Variants in CCDC141 observed in about 807,000 individuals in gnomAD.
CCDC141 encodes the protein coiled-coil domain-containing protein 141.
Under a neutral mutation model 181.0 loss-of-function variants are expected in CCDC141, and 168 were observed. The ratio of observed to expected loss-of-function variants is 0.93; its 90% CI spans 0.82 to 1.05. The LOEUF (loss-of-function observed/expected upper bound fraction) is 1.05. Ranked by LOEUF, CCDC141 falls within the 50% of genes least tolerant of loss-of-function variation. The pLI is 0.00. For missense variants in CCDC141, 1,902 were observed against 1,788.5 expected, an observed-to-expected ratio of 1.06 and a Z score of -1.14; for synonymous variants, 666 against 642.3, an observed-to-expected ratio of 1.04 and a Z score of -0.56.
intron 2 of CCDC141, among the ~76,000 whole-genome samples, chr2:178,992,080 G>A (rs1692081190): frequency 6.6e-6 from 1 of 151,682 alleles, no homozygotes; most frequent in African/African-American, 2.4e-5. Flanking sequence ...ATGCCAATTT[G>A]TTTATTTAGT....
chr2:178,914,135 T>A (rs531573040), intron 7 of CCDC141, among the ~76,000 whole-genome samples: 2 of 152,310 alleles, frequency 1.3e-5, no homozygotes, highest in South Asian at 4.1e-4. Context: ...AGGATGAATA[T>A]TTTGGAGGAT....
At chr2:178,941,705 C>T (rs191932547) in intron 6 of CCDC141, among the ~76,000 whole-genome samples, 7 of 151,784 alleles carry the variant, frequency 4.6e-5, no homozygotes, top group Non-Finnish European at 5.9e-5. Context: ...GTAATCCCAG[C>T]ACTTTAGAAG....
At chr2:178,974,447 C>T (rs1349320692) in intron 4 of CCDC141, among the ~76,000 whole-genome samples, 2 of 152,200 alleles carry the variant, frequency 1.3e-5, no homozygotes, top group African/African-American at 2.4e-5. Flanking sequence ...CTACTCCACT[C>T]CTGGCCCACA....
At chr2:178,911,813 A>G (rs1688231226) in intron 7 of CCDC141, among the ~76,000 whole-genome samples, 1 of 152,210 alleles carries the variant, frequency 6.6e-6, no homozygotes, top group African/African-American at 2.4e-5. Context: ...ATGATACAAA[A>G]CAAGCAATTA....
intron 7 of CCDC141, among the ~76,000 whole-genome samples, chr2:178,909,284 A>C (rs994816298): frequency 6.6e-6 from 1 of 152,258 alleles, no homozygotes; most frequent in Non-Finnish European, 1.5e-5. Flanking sequence ...ATTATCTTCC[A>C]GAGCTTTTTC....
At chr2:178,934,276 G>A (rs1214125388) in intron 6 of CCDC141, among the ~76,000 whole-genome samples, 1 of 152,066 alleles carries the variant, frequency 6.6e-6, no homozygotes, top group Non-Finnish European at 1.5e-5. Flanking sequence ...TTTCTGATGT[G>A]TAAGAGAAGG....
chr2:179,022,216 T>C (rs911899884), intron 2 of CCDC141, among the ~76,000 whole-genome samples: 2 of 152,144 alleles, frequency 1.3e-5, no homozygotes, highest in Non-Finnish European at 1.5e-5. Flanking sequence ...GCCTTTCAAG[T>C]GACCGAAAAA....
At chr2:179,015,089 T>TAC (rs1319398966) in intron 2 of CCDC141, among the ~76,000 whole-genome samples, 6,400 of 47,088 alleles carry the variant, frequency 0.14, 648 homozygotes, top group East Asian at 0.28. Flanking sequence ...TATATATATA[T>TAC]ATATATATAT....
In CCDC141 at chr2:178,831,248, T is replaced by C. The variant is rs1684237935; in HGVS notation, c.*2925A>G. On this transcript the variant is annotated 3_prime_UTR_variant, in exon 24 of 24. Coordinates refer to ENST00000443758, the MANE Select transcript of CCDC141 (RefSeq NM_173648.4). Reference sequence around the variant, plus strand: ...ACCACCAAATATTTATACATCCTTTTATTGGAAAATCAAAGCTGGAAAACT... The same window carrying C: ...ACCACCAAATATTTATACATCCTTTCATTGGAAAATCAAAGCTGGAAAACT... The C allele has an allele frequency of 6.6e-6, 1 of 152,232 alleles. No homozygotes were observed. The highest frequency in any genetic ancestry group is 1.5e-5 in the Non-Finnish European group (1 of 68,038). The allele number at this position is 152,232 out of a possible 1,614,324, so 9.4% of individuals were successfully genotyped here. A position where few individuals can be genotyped will look rare whatever the true frequency, so the allele number is the denominator to read the frequency against.
Position 178,837,118 on chromosome 2 carries a change from A to T in CCDC141, c.4101T>A (p.Asp1367Glu), listed in dbSNP as rs1216591511. The change falls in exon 23 of 24, where the codon GAT becomes GAA. Residue 1367 changes from aspartate to glutamate, a missense_variant. By Grantham distance (45) the Asp-to-Glu change is conservative. Transcript: ENST00000443758. ...KTQDRLHASSDAFSGLRFQSG... is the reference protein window; with the variant it reads ...KTQDRLHASSEAFSGLRFQSG... ...ATTGAAACCTGAGGCCCGAGAATGC[A>T]TCAGAGGAAGCATGCAGCCTATCTT... is the stretch of plus-strand genomic sequence containing the variant. The T allele has an allele frequency of 6.2e-7, 1 of 1,613,988 alleles. No homozygotes were observed. Among genetic ancestry groups the T allele is most frequent in the Non-Finnish European group, 8.5e-7 (1 of 1,179,962 alleles).
chr2:178,933,244 C>A (rs571439375), intron 6 of CCDC141, among the ~76,000 whole-genome samples: 4 of 152,078 alleles, frequency 2.6e-5, no homozygotes. Flanking sequence ...TATTATTAAT[C>A]AAGAACTTCA....
rs1447379230 is a variant in CCDC141 at position 178,830,660 on chromosome 2, C to T, written c.*3513G>A. On this transcript the variant is annotated 3_prime_UTR_variant, in exon 24 of 24. Coordinates refer to ENST00000443758, the MANE Select transcript of CCDC141 (RefSeq NM_173648.4). Reference sequence around the variant, plus strand: ...AGCCTAGCCAGAGGAGACTGATGCTCAAACCTGCGATTCCTTTGTGTATAT... The same window carrying T: ...AGCCTAGCCAGAGGAGACTGATGCTTAAACCTGCGATTCCTTTGTGTATAT... 1 of 152,268 alleles carries T rather than the reference C, an allele frequency of 6.6e-6. No individual in the cohort carries two copies. The highest frequency in any genetic ancestry group is 1.5e-5 in the Non-Finnish European group (1 of 68,130). 9.4% of individuals were successfully genotyped at this position (152,268 alleles called of 1,614,324 possible). A position where few individuals can be genotyped will look rare whatever the true frequency, so the allele number is the denominator to read the frequency against.
chr2:178,940,465 A>G (rs912400621), intron 6 of CCDC141, among the ~76,000 whole-genome samples: 6 of 152,228 alleles, frequency 3.9e-5, no homozygotes, highest in African/African-American at 1.4e-4. Flanking sequence ...ATGTCTAAAG[A>G]CATATGTTGA....
intron 2 of CCDC141, among the ~76,000 whole-genome samples, chr2:179,041,923 A>T (rs892878472): frequency 3.9e-5 from 6 of 152,220 alleles, no homozygotes; most frequent in African/African-American, 1.4e-4. Flanking sequence ...GCAAGTTCTT[A>T]GAGACCTTCA....
Position 178,873,091 on chromosome 2 carries a change from A to C in CCDC141, c.1900-779T>G, listed in dbSNP as rs534219441. ...ACAGGAACATTCATTTGGCGAAACA[A>C]TTCTTATGTTTTTTACTTTAATAGC... On this transcript the variant is annotated intron_variant, in intron 12 of 23. Transcript: ENST00000443758. 6 of 152,294 alleles carry C rather than the reference A, an allele frequency of 3.9e-5. No homozygotes were observed. In the East Asian group the frequency reaches 1.2e-3, roughly 29 times the overall value. 9.4% of individuals were successfully genotyped at this position (152,294 alleles called of 1,614,324 possible). A position where few individuals can be genotyped will look rare whatever the true frequency, so the allele number is the denominator to read the frequency against.
intron 11 of CCDC141, among the ~76,000 whole-genome samples, chr2:178,883,404 T>A (rs1686720042): frequency 6.6e-6 from 1 of 151,502 alleles, no homozygotes; most frequent in Non-Finnish European, 1.5e-5. Context: ...TACCTATGTA[T>A]CCACAAAAAT....
intron 2 of CCDC141, among the ~76,000 whole-genome samples, chr2:179,024,389 G>A (rs999499189): frequency 1.3e-5 from 2 of 152,096 alleles, no homozygotes; most frequent in African/African-American, 4.8e-5. Context: ...ATGAATATAT[G>A]TATTCATTCA....
At chr2:178,980,342 C>A (rs1285762164) in intron 2 of CCDC141, among the ~76,000 whole-genome samples, 1 of 152,036 alleles carries the variant, frequency 6.6e-6, no homozygotes, top group Non-Finnish European at 1.5e-5. Context: ...CCCAGCTACT[C>A]TGGAGGCTGA....
At chr2:179,011,114 C>T (rs555273642) in intron 2 of CCDC141, among the ~76,000 whole-genome samples, 2 of 152,010 alleles carry the variant, frequency 1.3e-5, no homozygotes, top group East Asian at 1.9e-4. Context: ...GCCGAGATCA[C>T]ACCATTGCAC....
Sources: gnomAD v4.1 joint callset for allele counts (sites outside exome capture counted in the v4.1 genomes callset) on GRCh38, gnomAD v4.1.1 for gene constraint, MANE v1.5 for transcripts, NCBI Gene and HGNC (gene_info 2026-07-23, HGNC 2026-07-21) for gene names.